DPY19L3: variants seen among roughly 807,000 people sequenced by gnomAD.
DPY19L3 encodes dpy-19 like C-mannosyltransferase 3.
In DPY19L3, 51 loss-of-function variants were observed where a neutral mutation model predicts 92.3. The ratio of observed to expected loss-of-function variants is 0.55; its 90% CI spans 0.44 to 0.70. DPY19L3 has a LOEUF of 0.70. DPY19L3 is among the 30% of genes least tolerant of loss of function. DPY19L3 has a pLI of 0.00. For synonymous variants in DPY19L3, 309 were observed against 315.2 expected (o/e 0.98, Z 0.21); for missense variants, 706 against 855.9 (o/e 0.82, Z 2.18).
intron 3 of DPY19L3, among the ~76,000 whole-genome samples, chr19:32,425,851 G>A (rs1968743089): frequency 6.6e-6 from 1 of 152,162 alleles, no homozygotes; most frequent in South Asian, 2.1e-4. Flanking sequence ...AGGATTTTCA[G>A]AATGGTAAGT....
intron 3 of DPY19L3, among the ~76,000 whole-genome samples, chr19:32,418,273 TATCACAAGAA>T (rs1968444068): frequency 6.6e-6 from 1 of 152,242 alleles, no homozygotes; most frequent in Non-Finnish European, 1.5e-5. Flanking sequence ...TTGTCTCCTA[TATCACAAGAA>T]GAATCCTCCA....
intron 3 of DPY19L3, among the ~76,000 whole-genome samples, chr19:32,431,349 G>T (rs1968960125): frequency 6.7e-6 from 1 of 150,118 alleles, no homozygotes; most frequent in Non-Finnish European, 1.5e-5. Flanking sequence ...TTGCACTCCA[G>T]CCTGGGCAAC....
chr19:32,467,779 TTTTAG>T (rs1970242309), intron 15 of DPY19L3: 1 of 982,194 alleles, frequency 1.0e-6, no homozygotes, highest in South Asian at 4.7e-5. Flanking sequence ...GATCAAGTCT[TTTTAG>T]TCAACTGTCA....
At chr19:32,437,836 G>T (rs1648968423) in intron 6 of DPY19L3, among the ~76,000 whole-genome samples, 1 of 151,512 alleles carries the variant, frequency 6.6e-6, no homozygotes, top group South Asian at 2.1e-4. Context: ...TATTTATTTA[G>T]GGGTTGTTTT....
rs150122792 is a variant in DPY19L3, at chr19:32,419,199, C to T, written c.237+7827C>T. 5.7e-3 allele frequency among the ~76,000 whole-genome samples: 827 copies of T among 145,504 alleles called. 12 individuals are homozygous for T. The highest frequency in any genetic ancestry group is 0.019 in the African/African-American group (758 of 39,058). The stretch of plus-strand genomic sequence containing the variant: ...TTTTTGAGACAGAGTCTCGCTGTGT[C>T]GCCCAGGCTGGAGTGCAGTGGCGCG... On this transcript the variant is annotated intron_variant, in intron 3 of 18. Coordinates refer to ENST00000392250, the MANE Select transcript of DPY19L3 (RefSeq NM_001172774.2).
At chr19:32,446,819 A>G (rs1969514317) in intron 8 of DPY19L3, among the ~76,000 whole-genome samples, 1 of 152,208 alleles carries the variant, frequency 6.6e-6, no homozygotes, top group Non-Finnish European at 1.5e-5. Context: ...CCAGACAGAA[A>G]ATCATCAGAG....
chr19:32,451,920 A>T (rs559925519), intron 8 of DPY19L3, among the ~76,000 whole-genome samples: 1 of 151,962 alleles, frequency 6.6e-6, no homozygotes, highest in South Asian at 2.1e-4. Flanking sequence ...CTGCAGCCTC[A>T]ACCTCCTGGA....
intron 3 of DPY19L3, among the ~76,000 whole-genome samples, chr19:32,417,981 AC>A (rs1215550813): frequency 6.6e-6 from 1 of 151,920 alleles, no homozygotes. Flanking sequence ...AGCTAGACTT[AC>A]GGGGCTGAAG....
chr19:32,478,355 C>T (rs763408342), intron 17 of DPY19L3, among the ~76,000 whole-genome samples: 3 of 152,166 alleles, frequency 2.0e-5, no homozygotes, highest in Non-Finnish European at 4.4e-5. Flanking sequence ...GGGAGCAAAG[C>T]TTTTGGATTA....
intron 14 of DPY19L3, 114 bp downstream of exon 14, chr19:32,464,094 T>C (rs1417383518): frequency 1.4e-5 from 7 of 493,952 alleles, no homozygotes; most frequent in Non-Finnish European, 2.5e-5. Context: ...AAATTGAAGC[T>C]GAAAATACAT....
intron 12 of DPY19L3, among the ~76,000 whole-genome samples, chr19:32,462,944 CAT>C (rs1292495173): frequency 6.6e-6 from 1 of 152,068 alleles, no homozygotes; most frequent in Non-Finnish European, 1.5e-5. Context: ...TTTGAGGGGT[CAT>C]AAAGGAACTG....
intron 6 of DPY19L3, 31 bp downstream of exon 6, chr19:32,437,370 T>C (rs1969177409): frequency 1.9e-6 from 3 of 1,574,994 alleles, no homozygotes; most frequent in East Asian, 2.3e-5. Flanking sequence ...TTCTTTTTTT[T>C]CCAAAATGTA....
At chr19:32,425,508 G>T (rs908006894) in intron 3 of DPY19L3, among the ~76,000 whole-genome samples, 3 of 151,564 alleles carry the variant, frequency 2.0e-5, no homozygotes, top group Non-Finnish European at 4.4e-5. Context: ...CTGAGATGGC[G>T]CCACTGTGCT....
At chr19:32,453,361 A>G in intron 9 of DPY19L3, 85 bp downstream of exon 9, 4 of 1,373,896 alleles carry the variant, frequency 2.9e-6, no homozygotes, top group Non-Finnish European at 2.9e-6. Flanking sequence ...ACAGCATACA[A>G]AGGGAAATTT....
At chr19:32,443,634 G>A (rs1294771967) in intron 8 of DPY19L3, among the ~76,000 whole-genome samples, 7 of 152,144 alleles carry the variant, frequency 4.6e-5, no homozygotes, top group Admixed American at 4.6e-4. Context: ...TTGTTTATAA[G>A]CTACCCAGAT....
chr19:32,461,821 G>T (rs753207974), intron 12 of DPY19L3, among the ~76,000 whole-genome samples: 2 of 151,968 alleles, frequency 1.3e-5, no homozygotes, highest in Non-Finnish European at 2.9e-5. Flanking sequence ...TTTTCCCCTC[G>T]ACAACAAATT....
chr19:32,412,995 TTCTC>T (rs1180950402), intron 3 of DPY19L3: 1 of 152,144 alleles, frequency 6.6e-6, no homozygotes, highest in Non-Finnish European at 1.5e-5. Context: ...CTTGTTTTCT[TTCTC>T]TCTCTCTTTT....
chr19:32,456,572 T>TAC (rs1969873027), intron 10 of DPY19L3, among the ~76,000 whole-genome samples: 1 of 151,630 alleles, frequency 6.6e-6, no homozygotes, highest in Non-Finnish European at 1.5e-5. Context: ...TAGCTGGGAC[T>TAC]ACAGGTGTGT....
chr19:32,463,558 G>T, intron 13 of DPY19L3, 70 bp downstream of exon 13: 4 of 1,514,424 alleles, frequency 2.6e-6, no homozygotes, highest in Non-Finnish European at 3.6e-6. Flanking sequence ...AATATAATTT[G>T]GAAAGTGACA....
Sources: gnomAD v4.1 joint callset for allele counts (sites outside exome capture counted in the v4.1 genomes callset) on GRCh38, gnomAD v4.1.1 for gene constraint, MANE v1.5 for transcripts, NCBI Gene and HGNC (gene_info 2026-07-23, HGNC 2026-07-21) for gene names.